The following RABGAP1L variants were observed in gnomAD, a reference collection of about 807,000 sequenced individuals.
The protein encoded by RABGAP1L is rab GTPase-activating protein 1-like.
In RABGAP1L, 63 loss-of-function variants were observed where a neutral mutation model predicts 137.7. That is an observed-to-expected ratio of 0.46 (90% CI 0.37 to 0.56). The LOEUF (loss-of-function observed/expected upper bound fraction) is 0.56, where lower values mean the gene tolerates loss of function less well. Ranked by LOEUF, RABGAP1L falls within the 20% of genes least tolerant of loss-of-function variation. RABGAP1L has a pLI of 0.00. For missense variants in RABGAP1L, 1,095 were observed against 1,244.0 expected, an observed-to-expected ratio of 0.88 and a Z score of 1.80; for synonymous variants, 431 against 433.7, an observed-to-expected ratio of 0.99 and a Z score of 0.08.
intron 13 of RABGAP1L, among the ~76,000 whole-genome samples, chr1:174,436,573 AG>A (rs1168832156): frequency 6.6e-6 from 1 of 152,176 alleles, no homozygotes; most frequent in Non-Finnish European, 1.5e-5. Flanking sequence ...TCAGATGAGT[AG>A]GCTGCAAAAA....
At chr1:174,314,109 A>G (rs768407196) in intron 11 of RABGAP1L, among the ~76,000 whole-genome samples, 22 of 152,198 alleles carry the variant, frequency 1.4e-4, no homozygotes, top group South Asian at 2.1e-4. Context: ...TAAATGTTTG[A>G]TAGAATTCAA....
chr1:174,252,689 C>T, intron 7 of RABGAP1L, 99 bp downstream of exon 7: 1 of 1,469,934 alleles, frequency 6.8e-7, no homozygotes, highest in South Asian at 1.4e-5. Context: ...ACTTCATTTT[C>T]TCCAATTAAA....
intron 17 of RABGAP1L, among the ~76,000 whole-genome samples, chr1:174,728,384 A>G (rs1682171643): frequency 6.6e-6 from 1 of 152,174 alleles, no homozygotes; most frequent in Non-Finnish European, 1.5e-5. Context: ...ATAGCCACAC[A>G]CACAAAATGC....
intron 19 of RABGAP1L, among the ~76,000 whole-genome samples, chr1:174,840,811 G>A (rs149106280): frequency 0.037 from 3,216 of 86,930 alleles, 115 homozygotes; most frequent in African/African-American, 0.096. Flanking sequence ...GTGAGAATCT[G>A]TCTCAAAAAA....
intron 18 of RABGAP1L, among the ~76,000 whole-genome samples, chr1:174,790,800 G>C (rs1252548149): frequency 6.6e-6 from 1 of 151,430 alleles, no homozygotes; most frequent in African/African-American, 2.4e-5. Context: ...GGGGGCGGGG[G>C]GTATGTGTTT....
intron 19 of RABGAP1L, among the ~76,000 whole-genome samples, chr1:174,931,307 A>G (rs1254631030): frequency 2.0e-5 from 3 of 152,212 alleles, no homozygotes; most frequent in Non-Finnish European, 4.4e-5. Flanking sequence ...TGAGACTGAT[A>G]TTCTAATACC....
At chr1:174,700,744 C>G (rs925661967) in intron 16 of RABGAP1L, 2 of 178,324 alleles carry the variant, frequency 1.1e-5, no homozygotes, top group African/African-American at 4.8e-5. Flanking sequence ...GTAGAAGAAT[C>G]TGGTAAATAT....
intron 13 of RABGAP1L, among the ~76,000 whole-genome samples, chr1:174,454,701 C>T (rs1203143251): frequency 6.6e-6 from 1 of 151,884 alleles, no homozygotes; most frequent in Non-Finnish European, 1.5e-5. Flanking sequence ...AGGCGCCCAC[C>T]AGCACTCCCA....
chr1:174,335,343 G>T lies in RABGAP1L; in HGVS notation c.1465+30216G>T, dbSNP rs568361884. ...GTGGAAGTTCAAGTCATTCTAAATT[G>T]TCTTGCCTTAGCCTGTAATTTAACT... On this transcript the variant is annotated intron_variant, in intron 11 of 25. Transcript: ENST00000681986. Among the ~76,000 whole-genome samples, 5 of 152,252 alleles carry T rather than the reference G, an allele frequency of 3.3e-5. No individual in the cohort carries two copies. The South Asian group carries it at 8.3e-4, about 25-fold the overall frequency.
At chr1:174,511,604 G>A (rs1413028015) in intron 13 of RABGAP1L, among the ~76,000 whole-genome samples, 2 of 151,386 alleles carry the variant, frequency 1.3e-5, no homozygotes, top group East Asian at 3.9e-4. Flanking sequence ...CTCTCCTAGT[G>A]GGCTTTTCTT....
intron 10 of RABGAP1L, among the ~76,000 whole-genome samples, chr1:174,304,588 A>C (rs967370407): frequency 2.6e-5 from 4 of 152,118 alleles, no homozygotes; most frequent in Non-Finnish European, 5.9e-5. Context: ...ATTGGTATGC[A>C]TGTGGTTCCC....
At chr1:174,562,266 C>T (rs1366512787) in intron 13 of RABGAP1L, among the ~76,000 whole-genome samples, 1 of 152,186 alleles carries the variant, frequency 6.6e-6, no homozygotes, top group African/African-American at 2.4e-5. Context: ...CTCATCATCA[C>T]TGGTCATTAG....
chr1:174,881,604 A>G lies in RABGAP1L; in HGVS notation c.2340+69644A>G, dbSNP rs1396254430. Among the ~76,000 whole-genome samples, 8 of 149,026 alleles carry G rather than the reference A, an allele frequency of 5.4e-5. No individual in the cohort carries two copies. In the South Asian group the frequency reaches 1.5e-3, roughly 27 times the overall value. ...AACCTTCGCCTCCTGGGTTCAAGCAATTCTTCTGCTTAAGCCTCCCCAATA... is the reference window on the plus strand; with the variant it reads ...AACCTTCGCCTCCTGGGTTCAAGCAGTTCTTCTGCTTAAGCCTCCCCAATA... On this transcript the variant is annotated intron_variant, in intron 19 of 25. Coordinates refer to ENST00000681986, the MANE Select transcript of RABGAP1L (RefSeq NM_001366446.1).
chr1:174,493,817 G>A (rs1660489627), intron 13 of RABGAP1L, among the ~76,000 whole-genome samples: 1 of 121,618 alleles, frequency 8.2e-6, no homozygotes, highest in Admixed American at 8.8e-5. Flanking sequence ...GTGAGACCCT[G>A]TCTGAAAAAA....
intron 18 of RABGAP1L, among the ~76,000 whole-genome samples, chr1:174,806,075 C>G (rs1273007503): frequency 1.3e-5 from 2 of 152,294 alleles, no homozygotes; most frequent in East Asian, 3.9e-4. Flanking sequence ...GGATTTTGTT[C>G]AGTGAGCACA....
chr1:174,930,999 A>C (rs1314001652), intron 19 of RABGAP1L, among the ~76,000 whole-genome samples: 1 of 152,186 alleles, frequency 6.6e-6, no homozygotes, highest in East Asian at 1.9e-4. Flanking sequence ...TTTTAACCCC[A>C]AATGTAGTGG....
rs145724456 is a variant in RABGAP1L, at chr1:174,529,118, A to AT, written c.1711-108253dup. Among the ~76,000 whole-genome samples, 711 of 146,462 alleles carry AT rather than the reference A, an allele frequency of 4.9e-3. 6 individuals are homozygous for AT. The highest frequency in any genetic ancestry group is 0.015 in the African/African-American group (590 of 39,606). On this transcript the variant is annotated intron_variant, in intron 13 of 25. Transcript: ENST00000681986. ...AGCTTCTTTAGAATTGATAATTTTC[A>AT]TTTTCTGGGATTTCATGAATTTCTT...
intron 17 of RABGAP1L, among the ~76,000 whole-genome samples, chr1:174,704,512 A>G (rs1212748898): frequency 1.3e-5 from 2 of 152,228 alleles, no homozygotes; most frequent in Non-Finnish European, 2.9e-5. Flanking sequence ...ATTTGTAAGC[A>G]TGTAAGAGTT....
chr1:174,875,192 C>A (rs1305563838), intron 19 of RABGAP1L, among the ~76,000 whole-genome samples: 1 of 152,204 alleles, frequency 6.6e-6, no homozygotes, highest in Admixed American at 6.5e-5. Flanking sequence ...TGTATGTAAA[C>A]TTAAACTATT....
Sources: gnomAD v4.1 joint callset for allele counts (sites outside exome capture counted in the v4.1 genomes callset) on GRCh38, gnomAD v4.1.1 for gene constraint, MANE v1.5 for transcripts, NCBI Gene and HGNC (gene_info 2026-07-23, HGNC 2026-07-21) for gene names.